Variants in MARCHF11 observed in about 807,000 individuals in gnomAD.
The protein encoded by MARCHF11 is E3 ubiquitin-protein ligase MARCHF11.
Under a neutral mutation model 37.3 loss-of-function variants are expected in MARCHF11, and 29 were observed. That is an observed-to-expected ratio of 0.78 (90% CI 0.58 to 1.06). MARCHF11 has a LOEUF of 1.06. Among genes scored for constraint, MARCHF11 ranks in the 50% least tolerant of loss-of-function variants. The pLI is 0.00. For missense variants in MARCHF11, 482 were observed against 533.4 expected (o/e 0.90, Z 0.95); for synonymous variants, 233 against 228.0 (o/e 1.02, Z -0.20).
chr5:16,072,999 T>A (rs1167048565), intron 3 of MARCHF11, among the ~76,000 whole-genome samples: 1 of 152,234 alleles, frequency 6.6e-6, no homozygotes, highest in Non-Finnish European at 1.5e-5. Flanking sequence ...AATTTACTCA[T>A]GTTTTAAACG....
intron 2 of MARCHF11, among the ~76,000 whole-genome samples, chr5:16,109,883 G>T (rs550774457): frequency 6.6e-6 from 1 of 152,316 alleles, no homozygotes; most frequent in South Asian, 2.1e-4. Context: ...CAGAAGTGAA[G>T]TGTCGTGAGT....
chr5:16,124,680 A>G (rs1051526478), intron 2 of MARCHF11, among the ~76,000 whole-genome samples: 10 of 152,268 alleles, frequency 6.6e-5, no homozygotes, highest in Non-Finnish European at 8.8e-5. Context: ...GGCATGTTCT[A>G]TTTCCCACAG....
intron 2 of MARCHF11, among the ~76,000 whole-genome samples, chr5:16,112,532 G>T (rs1029534052): frequency 6.6e-6 from 1 of 152,178 alleles, no homozygotes; most frequent in Non-Finnish European, 1.5e-5. Context: ...TACCCACATT[G>T]TATCTAGGAA....
At chr5:16,169,821 G>A (rs1449028734) in intron 2 of MARCHF11, among the ~76,000 whole-genome samples, 1 of 152,056 alleles carries the variant, frequency 6.6e-6, no homozygotes, top group East Asian at 1.9e-4. Flanking sequence ...TCCATTCCCT[G>A]CTATTCTGAA....
chr5:16,157,193 T>G (rs535857655), intron 2 of MARCHF11, among the ~76,000 whole-genome samples: 1 of 101,028 alleles, frequency 9.9e-6, no homozygotes, highest in African/African-American at 4.0e-5. Context: ...TAAAAGACAT[T>G]GAAGAAGACA....
At chr5:16,113,055 C>G (rs543266799) in intron 2 of MARCHF11, among the ~76,000 whole-genome samples, 1 of 152,210 alleles carries the variant, frequency 6.6e-6, no homozygotes, top group African/African-American at 2.4e-5. Context: ...AACCAGAAAG[C>G]ATGAATTTTA....
At chr5:16,163,458 G>A (rs1560993259) in intron 2 of MARCHF11, among the ~76,000 whole-genome samples, 2 of 151,928 alleles carry the variant, frequency 1.3e-5, no homozygotes, top group Non-Finnish European at 2.9e-5. Flanking sequence ...ATCACAATCA[G>A]AAAGCAATTC....
chr5:16,119,074 G>A (rs1216644167), intron 2 of MARCHF11, among the ~76,000 whole-genome samples: 1 of 152,054 alleles, frequency 6.6e-6, no homozygotes, highest in Non-Finnish European at 1.5e-5. Flanking sequence ...AAGAGTCAAG[G>A]AAGAGTGACA....
intron 3 of MARCHF11, among the ~76,000 whole-genome samples, chr5:16,076,053 C>T (rs77076881): frequency 0.027 from 4,129 of 152,288 alleles, 171 homozygotes; most frequent in African/African-American, 0.094. Context: ...TCCTCCCTGT[C>T]TTTTCAGGCA....
chr5:16,173,492 C>T (rs1408693502), intron 2 of MARCHF11, among the ~76,000 whole-genome samples: 1 of 152,276 alleles, frequency 6.6e-6, no homozygotes, highest in Non-Finnish European at 1.5e-5. Context: ...CAGTGAGGGA[C>T]ATCTGGAGAG....
chr5:16,152,661 T>G (rs1737908080), intron 2 of MARCHF11, among the ~76,000 whole-genome samples: 1 of 151,994 alleles, frequency 6.6e-6, no homozygotes, highest in Non-Finnish European at 1.5e-5. Context: ...TGCCCTCTGA[T>G]GAATCCAATT....
At chr5:16,088,699 T>G (rs1736740585) in intron 3 of MARCHF11, among the ~76,000 whole-genome samples, 1 of 152,180 alleles carries the variant, frequency 6.6e-6, no homozygotes, top group Admixed American at 6.5e-5. Context: ...ACAGACTAAT[T>G]AGTGAAACTG....
At chr5:16,139,492 G>A (rs1418151401) in intron 2 of MARCHF11, among the ~76,000 whole-genome samples, 1 of 152,090 alleles carries the variant, frequency 6.6e-6, no homozygotes, top group African/African-American at 2.4e-5. Context: ...TATGCTATAT[G>A]TAAGGAACAT....
intron 2 of MARCHF11, among the ~76,000 whole-genome samples, chr5:16,173,228 T>C (rs1738301146): frequency 6.6e-6 from 1 of 152,194 alleles, no homozygotes; most frequent in Non-Finnish European, 1.5e-5. Context: ...GTGAACATCA[T>C]GATTCCTTTT....
chr5:16,114,480 A>G (rs1737198851), intron 2 of MARCHF11, among the ~76,000 whole-genome samples: 2 of 152,246 alleles, frequency 1.3e-5, no homozygotes, highest in African/African-American at 4.8e-5. Context: ...AATTGCCAAC[A>G]TGTCCTAAAT....
At chr5:16,099,607 T>C (rs939703185) in intron 2 of MARCHF11, among the ~76,000 whole-genome samples, 6 of 152,148 alleles carry the variant, frequency 3.9e-5, no homozygotes, top group African/African-American at 1.4e-4. Context: ...TTTTGTTTGG[T>C]TTTTTAAAAA....
chr5:16,148,277 T>C (rs191229154), intron 2 of MARCHF11, among the ~76,000 whole-genome samples: 3 of 152,254 alleles, frequency 2.0e-5, no homozygotes, highest in Admixed American at 2.0e-4. Context: ...ACCTATAATG[T>C]GTAAAACCAT....
intron 2 of MARCHF11, among the ~76,000 whole-genome samples, chr5:16,125,619 C>CTGTGTGTGTG (rs34769733): frequency 3.5e-5 from 5 of 142,366 alleles, no homozygotes; most frequent in South Asian, 2.4e-4. Context: ...GGCACACTCT[C>CTGTGTGTGTG]TGTGTGTGTG....
rs116662791 is a variant in MARCHF11, at chr5:16,150,043, A to G, written c.693+27683T>C. 4.5e-3 allele frequency among the ~76,000 whole-genome samples: 670 copies of G among 149,316 alleles called. 89 individuals carry two copies. Among genetic ancestry groups the G allele is most frequent in the African/African-American group, 0.017 (647 of 38,856 alleles). On this transcript the variant is annotated intron_variant, in intron 2 of 3. Coordinates refer to ENST00000332432, the MANE Select transcript of MARCHF11 (RefSeq NM_001102562.3). The stretch of plus-strand genomic sequence containing the variant: ...GGGGCTGTCTACTCGGAGGGAATAC[A>G]TGGAAGCCTGTTGGGAACTGAAACT...
Sources: allele counts gnomAD v4.1 joint callset (sites outside exome capture counted in the v4.1 genomes callset), GRCh38; gene constraint gnomAD v4.1.1; transcripts MANE v1.5; gene names NCBI Gene and HGNC (gene_info 2026-07-23, HGNC 2026-07-21).